Variants in ZFPM2 observed in about 807,000 individuals in gnomAD.
ZFPM2 encodes the protein zinc finger protein ZFPM2.
ZFPM2 carries 20 observed loss-of-function variants against 98.6 expected under a neutral mutation model. The observed-to-expected ratio is 0.20, with a 90% CI of 0.14 to 0.29. The LOEUF is 0.29. Ranked by LOEUF, ZFPM2 falls within the 10% of genes least tolerant of loss-of-function variation. The pLI, the probability that ZFPM2 is intolerant of heterozygous loss-of-function variation, is 1.00. For synonymous variants in ZFPM2, 518 were observed against 502.7 expected, an observed-to-expected ratio of 1.03 and a Z score of -0.41; for missense variants, 1,310 against 1,388.6, an observed-to-expected ratio of 0.94 and a Z score of 0.90.
chr8:105,390,028 CTATT>C (rs1404110827), intron 1 of ZFPM2, among the ~76,000 whole-genome samples: 9 of 152,046 alleles, frequency 5.9e-5, no homozygotes, highest in African/African-American at 2.2e-4. Context: ...TAAAATCATG[CTATT>C]TATTTTAAAT....
intron 1 of ZFPM2, among the ~76,000 whole-genome samples, chr8:105,347,600 C>T (rs1332391648): frequency 2.6e-5 from 4 of 151,994 alleles, no homozygotes; most frequent in East Asian, 1.9e-4. Context: ...ACATGCCAAG[C>T]CAGCAGTGAC....
At position 105,443,316 on chromosome 8, in the gene ZFPM2, AAACAAAAAAC is replaced by A. The variant is rs1303649445; in HGVS notation, c.200-961_200-952del. Among the ~76,000 whole-genome samples, 11 of 148,674 alleles carry A rather than the reference AAACAAAAAAC, an allele frequency of 7.4e-5. 2 individuals carry two copies. The highest frequency in any genetic ancestry group is 2.5e-4 in the African/African-American group (10 of 39,710). On this transcript the variant is annotated intron_variant, in intron 2 of 7. Transcript: ENST00000407775. ...AGAGCGAGTAAGACTCCTTCTCAAA[AAACAAAAAAC>A]AAAAAAAAAAAAACTTGGCATTATT...
chr8:105,398,091 AG>A (rs1191631267), intron 1 of ZFPM2, among the ~76,000 whole-genome samples: 1 of 152,194 alleles, frequency 6.6e-6, no homozygotes, highest in Non-Finnish European at 1.5e-5. Flanking sequence ...ACTCAGCAAA[AG>A]TATAGGATGT....
chr8:105,586,686 G>T (rs1435502054), intron 4 of ZFPM2, among the ~76,000 whole-genome samples: 1 of 151,904 alleles, frequency 6.6e-6, no homozygotes, highest in Non-Finnish European at 1.5e-5. Context: ...CTTCCAAAGT[G>T]CTGGGATTAC....
chr8:105,521,449 G>A (rs1484104969), intron 3 of ZFPM2, among the ~76,000 whole-genome samples: 1 of 151,910 alleles, frequency 6.6e-6, no homozygotes, highest in Non-Finnish European at 1.5e-5. Flanking sequence ...ATTAATTAAT[G>A]GCTTTAATAA....
At chr8:105,473,636 T>C (rs1404556075) in intron 3 of ZFPM2, among the ~76,000 whole-genome samples, 1 of 152,222 alleles carries the variant, frequency 6.6e-6, no homozygotes, top group East Asian at 1.9e-4. Flanking sequence ...TTAAGATTCC[T>C]ATTTTAACAA....
At chr8:105,574,278 C>A (rs979423249) in intron 4 of ZFPM2, among the ~76,000 whole-genome samples, 42 of 152,268 alleles carry the variant, frequency 2.8e-4, no homozygotes, top group African/African-American at 9.6e-4. Context: ...GGACTTAGTG[C>A]ATTTATCATC....
chr8:105,629,558 C>T (rs1396304673), intron 4 of ZFPM2, among the ~76,000 whole-genome samples: 1 of 152,126 alleles, frequency 6.6e-6, no homozygotes, highest in Non-Finnish European at 1.5e-5. Flanking sequence ...TATCTCATAT[C>T]CTGTAGATCA....
intron 1 of ZFPM2, among the ~76,000 whole-genome samples, chr8:105,332,164 C>T (rs1024000104): frequency 6.6e-6 from 1 of 151,756 alleles, no homozygotes; most frequent in Non-Finnish European, 1.5e-5. Flanking sequence ...TTCTCATTCA[C>T]TTCTTACTTC....
At chr8:105,609,694 A>G (rs1418965631) in intron 4 of ZFPM2, among the ~76,000 whole-genome samples, 1 of 152,194 alleles carries the variant, frequency 6.6e-6, no homozygotes, top group Non-Finnish European at 1.5e-5. Flanking sequence ...AAAACTCTGC[A>G]TAGTACTTTG....
At chr8:105,789,089 CTTTTT>C (rs890257501) in intron 6 of ZFPM2, 165 bp downstream of exon 6, 17 of 494,290 alleles carry the variant, frequency 3.4e-5, no homozygotes, top group Non-Finnish European at 5.3e-5. Flanking sequence ...AATGATGTTA[CTTTTT>C]TTTTTTATAC....
chr8:105,449,638 A>G (rs1812447012), intron 3 of ZFPM2, among the ~76,000 whole-genome samples: 1 of 152,016 alleles, frequency 6.6e-6, no homozygotes, highest in South Asian at 2.1e-4. Context: ...TGAATGGAGA[A>G]GGCCAAAAAC....
At chr8:105,630,176 A>G (rs1190039283) in intron 4 of ZFPM2, among the ~76,000 whole-genome samples, 1 of 152,212 alleles carries the variant, frequency 6.6e-6, no homozygotes, top group African/African-American at 2.4e-5. Flanking sequence ...CTGAGAATTA[A>G]TGAACTTTAA....
At chr8:105,768,777 A>C (rs1388580380) in intron 5 of ZFPM2, among the ~76,000 whole-genome samples, 1 of 151,892 alleles carries the variant, frequency 6.6e-6, no homozygotes, top group Non-Finnish European at 1.5e-5. Context: ...TGAAGTCATG[A>C]ACTACAAAGC....
intron 2 of ZFPM2, among the ~76,000 whole-genome samples, chr8:105,435,728 A>G (rs559587129): frequency 2.2e-4 from 34 of 152,302 alleles, no homozygotes; most frequent in African/African-American, 7.0e-4. Flanking sequence ...TTGGGTTAAT[A>G]TGAAAATAAA....
chr8:105,754,749 C>CT (rs1812556769), intron 5 of ZFPM2, among the ~76,000 whole-genome samples: 1 of 149,502 alleles, frequency 6.7e-6, no homozygotes, highest in Admixed American at 6.7e-5. Context: ...ACAGATATGT[C>CT]TGAGGGAAAA....
chr8:105,562,178 C>T (rs531552741), intron 4 of ZFPM2, among the ~76,000 whole-genome samples: 17 of 151,948 alleles, frequency 1.1e-4, no homozygotes, highest in African/African-American at 1.9e-4. Flanking sequence ...GACATGGTGG[C>T]GGGTGCCTGT....
At position 105,788,200 on chromosome 8, in the gene ZFPM2, G is replaced by A. The variant is rs7001540; in HGVS notation, c.533-518G>A. 8.8e-3 allele frequency among the ~76,000 whole-genome samples: 1,345 copies of A among 152,230 alleles called. 15 individuals carry two copies. Among genetic ancestry groups the A allele is most frequent in the African/African-American group, 0.024 (983 of 41,552 alleles). ...ACCTGAATTTCATTTTAATTTTCTA[G>A]ATTTTAGGAGTTTTTGTTTACTTGT... On this transcript the variant is annotated intron_variant, in intron 5 of 7. Coordinates refer to ENST00000407775, the MANE Select transcript of ZFPM2 (RefSeq NM_012082.4).
intron 5 of ZFPM2, among the ~76,000 whole-genome samples, chr8:105,653,377 T>C (rs1450166457): frequency 2.0e-5 from 3 of 152,202 alleles, no homozygotes; most frequent in Non-Finnish European, 4.4e-5. Flanking sequence ...TCTGTTAACT[T>C]TTTGTAATAT....
Sources: allele counts gnomAD v4.1 joint callset (sites outside exome capture counted in the v4.1 genomes callset), GRCh38; gene constraint gnomAD v4.1.1; transcripts MANE v1.5; gene names NCBI Gene and HGNC (gene_info 2026-07-23, HGNC 2026-07-21).